The following RBFOX1 variants were observed in gnomAD, a reference collection of about 807,000 sequenced individuals.
RBFOX1 encodes the protein RNA binding fox-1 homolog 1, also known as RNA binding protein fox-1 homolog 1.
Under a neutral mutation model 57.7 loss-of-function variants are expected in RBFOX1, and 8 were observed. The observed-to-expected ratio is 0.14, with a 90% CI of 0.08 to 0.25. RBFOX1 has a LOEUF of 0.25. RBFOX1 is among the 10% of genes least tolerant of loss of function. The pLI is 1.00. For missense variants in RBFOX1, 611 were observed against 548.5 expected (o/e 1.11, Z -1.14); for synonymous variants, 326 against 222.4 (o/e 1.47, Z -4.15).
chr16:7,244,798 G>C (rs1307684055), intron 4 of RBFOX1, among the ~76,000 whole-genome samples: 1 of 152,194 alleles, frequency 6.6e-6, no homozygotes, highest in Non-Finnish European at 1.5e-5. Flanking sequence ...TGGGTCATCA[G>C]ACATATGGCT....
At chr16:7,060,165 C>T (rs1265832975) in intron 4 of RBFOX1, among the ~76,000 whole-genome samples, 1 of 152,104 alleles carries the variant, frequency 6.6e-6, no homozygotes, top group Non-Finnish European at 1.5e-5. Context: ...GACCTGAAGG[C>T]CATAGGGTCT....
chr16:6,120,164 C>A (rs572165166), intron 1 of RBFOX1, among the ~76,000 whole-genome samples: 1 of 152,120 alleles, frequency 6.6e-6, no homozygotes, highest in Non-Finnish European at 1.5e-5. Flanking sequence ...TATGGATAGA[C>A]TATGTATTTA....
intron 13 of RBFOX1, chr16:7,671,716 C>T: frequency 1.1e-6 from 1 of 951,438 alleles, no homozygotes; most frequent in Admixed American, 2.0e-5. Flanking sequence ...GGAGGAAAGA[C>T]TTAACTGAAT....
chr16:5,627,218 A>G (rs1156975660), intron 3 of RBFOX1, among the ~76,000 whole-genome samples: 1 of 152,224 alleles, frequency 6.6e-6, no homozygotes, highest in Non-Finnish European at 1.5e-5. Flanking sequence ...GCTGAAAATG[A>G]TTCTATCATA....
intron 3 of RBFOX1, among the ~76,000 whole-genome samples, chr16:7,009,314 C>G (rs867894258): frequency 1.3e-5 from 2 of 148,324 alleles, no homozygotes; most frequent in African/African-American, 2.5e-5. Flanking sequence ...CCTTCTTTCT[C>G]TTTCTTTGTA....
intron 3 of RBFOX1, among the ~76,000 whole-genome samples, chr16:6,926,880 C>T (rs975187331): frequency 2.0e-5 from 3 of 152,050 alleles, no homozygotes; most frequent in African/African-American, 4.8e-5. Flanking sequence ...CACTTAGAAC[C>T]TGCGCATTGT....
intron 2 of RBFOX1, among the ~76,000 whole-genome samples, chr16:6,574,380 G>T (rs1343268420): frequency 6.6e-6 from 1 of 151,850 alleles, no homozygotes; most frequent in African/African-American, 2.4e-5. Flanking sequence ...GCTGTGAGGA[G>T]GGGGCGGAAC....
At chr16:6,073,980 A>C (rs2095865931) in intron 1 of RBFOX1, among the ~76,000 whole-genome samples, 1 of 151,908 alleles carries the variant, frequency 6.6e-6, no homozygotes. Context: ...ACAGAGTCTC[A>C]CTCTGTCGCC....
At position 6,637,168 on chromosome 16, in the gene RBFOX1, T is replaced by TAAATATATAATATACA. The variant is rs1567984462; in HGVS notation, c.-63-17434_-63-17433insAATATATAATATACAA. Among the ~76,000 whole-genome samples, 14 of 71,116 alleles carry TAAATATATAATATACA rather than the reference T, an allele frequency of 2.0e-4. 2 individuals are homozygous for TAAATATATAATATACA. The highest frequency in any genetic ancestry group is 5.1e-4 in the Admixed American group (2 of 3,904). 46.7% of individuals were successfully genotyped at this position (71,116 alleles called of 152,430 possible). ...ATAATATACAATATATATTATATAT[T>TAAATATATAATATACA]ATATATATTATATAATATACAATAT... is the stretch of plus-strand genomic sequence containing the variant. On this transcript the variant is annotated intron_variant, in intron 2 of 15. Transcript: ENST00000550418.
intron 1 of RBFOX1, among the ~76,000 whole-genome samples, chr16:5,429,836 T>C (rs2151509546): frequency 6.6e-6 from 1 of 152,328 alleles, no homozygotes; most frequent in East Asian, 1.9e-4. Context: ...CCACAGCCTG[T>C]GCTAGGGGCT....
At chr16:6,760,282 G>C (rs1482782642) in intron 3 of RBFOX1, among the ~76,000 whole-genome samples, 1 of 152,166 alleles carries the variant, frequency 6.6e-6, no homozygotes, top group African/African-American at 2.4e-5. Context: ...TGCTTTAAAG[G>C]ATTGAGGAGA....
intron 3 of RBFOX1, among the ~76,000 whole-genome samples, chr16:6,921,556 C>T (rs1257938456): frequency 6.6e-6 from 1 of 151,976 alleles, no homozygotes; most frequent in Admixed American, 6.6e-5. Context: ...CATAGGTCCT[C>T]TCATAACATG....
intron 4 of RBFOX1, among the ~76,000 whole-genome samples, chr16:7,065,797 C>G (rs2055859871): frequency 6.6e-6 from 1 of 152,142 alleles, no homozygotes; most frequent in African/African-American, 2.4e-5. Flanking sequence ...TGACCAATAT[C>G]TCCTAAATCC....
chr16:6,719,544 C>A (rs1350076816), intron 3 of RBFOX1, among the ~76,000 whole-genome samples: 1 of 151,676 alleles, frequency 6.6e-6, no homozygotes, highest in East Asian at 2.0e-4. Context: ...GGGTTCATGC[C>A]ATTCTTCTGC....
chr16:6,562,864 C>CTTTTTTTTT, intron 2 of RBFOX1, among the ~76,000 whole-genome samples: 1 of 50,218 alleles, frequency 2.0e-5, no homozygotes, highest in African/African-American at 1.5e-4. Context: ...TTCTTTCTTT[C>CTTTTTTTTT]TTTCTTTCTT....
chr16:7,010,895 C>G (rs2093623650), intron 3 of RBFOX1, among the ~76,000 whole-genome samples: 1 of 152,138 alleles, frequency 6.6e-6, no homozygotes, highest in South Asian at 2.1e-4. Flanking sequence ...TTTTCTTGAG[C>G]AGAAGATAGT....
intron 4 of RBFOX1, among the ~76,000 whole-genome samples, chr16:5,988,602 G>T (rs1355578184): frequency 1.3e-5 from 2 of 152,124 alleles, no homozygotes; most frequent in African/African-American, 2.4e-5. Context: ...TGGGACGACT[G>T]AGTGCCGTGA....
chr16:5,688,288 C>G (rs1011626710), intron 3 of RBFOX1, among the ~76,000 whole-genome samples: 1 of 152,098 alleles, frequency 6.6e-6, no homozygotes, highest in Non-Finnish European at 1.5e-5. Flanking sequence ...TTTTGTTAGT[C>G]AGAAATGATC....
chr16:7,705,171 C>T (rs766117720), intron 14 of RBFOX1, among the ~76,000 whole-genome samples: 2 of 152,042 alleles, frequency 1.3e-5, no homozygotes, highest in Non-Finnish European at 2.9e-5. Flanking sequence ...AGTGCCAAGA[C>T]TAAGCAGAGA....
Sources: gnomAD v4.1 joint callset for allele counts (sites outside exome capture counted in the v4.1 genomes callset) on GRCh38, gnomAD v4.1.1 for gene constraint, MANE v1.5 for transcripts, NCBI Gene and HGNC (gene_info 2026-07-23, HGNC 2026-07-21) for gene names.